Variants in TRPM6 observed in about 807,000 individuals in gnomAD.
TRPM6 encodes transient receptor potential cation channel subfamily M member 6.
TRPM6 carries 111 observed loss-of-function variants against 247.6 expected under a neutral mutation model. The ratio of observed to expected loss-of-function variants is 0.45; its 90% CI spans 0.38 to 0.52. The LOEUF (loss-of-function observed/expected upper bound fraction) is 0.52, where lower values mean the gene tolerates loss of function less well. Ranked by LOEUF, TRPM6 falls within the 20% of genes least tolerant of loss-of-function variation. TRPM6 has a pLI of 0.00. For missense variants in TRPM6, 2,126 were observed against 2,421.5 expected (o/e 0.88, Z 2.56); for synonymous variants, 892 against 853.8 (o/e 1.04, Z -0.78).
rs747221942 is a variant in TRPM6 at position 74,840,015 on chromosome 9, GA to G, written c.544+8del. On this transcript the variant is annotated splice_region_variant and intron_variant, in intron 5 of 38. Transcript: ENST00000360774. ...AGAGGGTGGGAGAAATGGAGGGAGG[GA>G]GCTTTACCTGTATTGATGCCTTCAG... The G allele has an allele frequency of 1.9e-6, 3 of 1,597,204 alleles. No homozygotes were observed. Among genetic ancestry groups the G allele is most frequent in the Non-Finnish European group, 2.6e-6 (3 of 1,164,900 alleles).
intron 3 of TRPM6, among the ~76,000 whole-genome samples, chr9:74,854,020 A>G (rs1830449373): frequency 6.6e-6 from 1 of 152,224 alleles, no homozygotes; most frequent in Non-Finnish European, 1.5e-5. Context: ...TGACAAGCAT[A>G]GAAGTAGATC....
intron 1 of TRPM6, among the ~76,000 whole-genome samples, chr9:74,885,084 T>C (rs994026226): frequency 2.6e-5 from 4 of 152,124 alleles, no homozygotes; most frequent in Non-Finnish European, 5.9e-5. Flanking sequence ...TTTAGACAAC[T>C]AACAAAGAAC....
intron 33 of TRPM6, among the ~76,000 whole-genome samples, chr9:74,741,971 A>G (rs551503463): frequency 6.6e-6 from 1 of 152,280 alleles, no homozygotes; most frequent in African/African-American, 2.4e-5. Context: ...ACAGTGTGAG[A>G]AGAATCAAGA....
intron 1 of TRPM6, among the ~76,000 whole-genome samples, chr9:74,862,752 C>G (rs182139822): frequency 1.3e-5 from 2 of 152,098 alleles, no homozygotes; most frequent in Non-Finnish European, 2.9e-5. Flanking sequence ...GAGGCCAAGG[C>G]GAGCAAGTCA....
chr9:74,852,685 G>C (rs1366498910), intron 3 of TRPM6, among the ~76,000 whole-genome samples: 1 of 152,210 alleles, frequency 6.6e-6, no homozygotes, highest in African/African-American at 2.4e-5. Flanking sequence ...TGGAGACGGG[G>C]TTTCGCAGTG....
intron 1 of TRPM6, among the ~76,000 whole-genome samples, chr9:74,865,096 G>T (rs1005209593): frequency 1.3e-5 from 2 of 151,022 alleles, no homozygotes; most frequent in East Asian, 1.9e-4. Flanking sequence ...AAAATGGAAC[G>T]TCAGAATGAA....
chr9:74,759,242 T>C (rs1262380085), intron 27 of TRPM6, among the ~76,000 whole-genome samples: 2 of 152,074 alleles, frequency 1.3e-5, no homozygotes, highest in African/African-American at 2.4e-5. Context: ...CACTTCTCTA[T>C]AAAAATTGAC....
At chr9:74,835,160 T>A (rs954359008) in intron 5 of TRPM6, among the ~76,000 whole-genome samples, 3 of 152,212 alleles carry the variant, frequency 2.0e-5, no homozygotes, top group African/African-American at 7.2e-5. Flanking sequence ...ATTGTGGTTT[T>A]GATCTGCATT....
intron 25 of TRPM6, among the ~76,000 whole-genome samples, chr9:74,767,403 A>G (rs995258223): frequency 6.6e-6 from 1 of 152,196 alleles, no homozygotes; most frequent in Non-Finnish European, 1.5e-5. Flanking sequence ...CAGCCTTGCT[A>G]TGTTCTCTTT....
chr9:74,858,192 T>G (rs113529305), intron 2 of TRPM6, among the ~76,000 whole-genome samples: 4,687 of 152,230 alleles, frequency 0.031, 263 homozygotes, highest in African/African-American at 0.11. Flanking sequence ...ATTGAGACCA[T>G]CCTGGCTAAC....
At chr9:74,846,800 C>T (rs1232661190) in intron 3 of TRPM6, among the ~76,000 whole-genome samples, 2 of 152,184 alleles carry the variant, frequency 1.3e-5, no homozygotes, top group Non-Finnish European at 2.9e-5. Flanking sequence ...CCACCCACTT[C>T]GGCCTTCCAA....
intron 3 of TRPM6, among the ~76,000 whole-genome samples, chr9:74,855,043 T>C (rs1258499778): frequency 6.6e-6 from 1 of 152,204 alleles, no homozygotes; most frequent in African/African-American, 2.4e-5. Flanking sequence ...CTTCAGGCTA[T>C]GATCAGAATT....
At chr9:74,806,326 G>A (rs1419106792) in intron 14 of TRPM6, among the ~76,000 whole-genome samples, 9 of 151,342 alleles carry the variant, frequency 5.9e-5, no homozygotes, top group African/African-American at 1.9e-4. Flanking sequence ...GGATCTCACC[G>A]TGTTGCCCAG....
intron 32 of TRPM6, among the ~76,000 whole-genome samples, chr9:74,743,610 C>T (rs1825933418): frequency 6.6e-6 from 1 of 152,154 alleles, no homozygotes; most frequent in South Asian, 2.1e-4. Context: ...AGTGATGTTG[C>T]TTAAGAGAGT....
At chr9:74,874,741 A>G (rs1035474366) in intron 1 of TRPM6, among the ~76,000 whole-genome samples, 2 of 151,156 alleles carry the variant, frequency 1.3e-5, no homozygotes, top group African/African-American at 2.4e-5. Context: ...TCAAATGCTC[A>G]TAACATTTTG....
rs182519771 is a variant in TRPM6 at position 74,841,303 on chromosome 9, G to A, written c.330+863C>T. Among the ~76,000 whole-genome samples, 382 of 152,264 alleles carry A rather than the reference G, an allele frequency of 2.5e-3. 1 individual carries two copies. Among genetic ancestry groups the A allele is most frequent in the Non-Finnish European group, 4.0e-3 (275 of 68,030 alleles). On this transcript the variant is annotated intron_variant, in intron 4 of 38. Transcript: ENST00000360774. ...ATGCAGATCACTCAAAGGATATTGAGATGAATTTGCCTCCCTCAAACTTAC... is the reference window on the plus strand; with the variant it reads ...ATGCAGATCACTCAAAGGATATTGAAATGAATTTGCCTCCCTCAAACTTAC...
At chr9:74,885,905 A>G (rs1439173387) in intron 1 of TRPM6, among the ~76,000 whole-genome samples, 1 of 152,222 alleles carries the variant, frequency 6.6e-6, no homozygotes, top group Non-Finnish European at 1.5e-5. Flanking sequence ...CTCTGTCTCA[A>G]AAAAATAAAA....
At chr9:74,847,933 C>A (rs1232330962) in intron 3 of TRPM6, among the ~76,000 whole-genome samples, 1 of 152,072 alleles carries the variant, frequency 6.6e-6, no homozygotes, top group African/African-American at 2.4e-5. Flanking sequence ...TGCCCAAAAC[C>A]GCAGATAGTA....
chr9:74,759,624 A>G (rs1473857529), intron 27 of TRPM6, among the ~76,000 whole-genome samples: 1 of 152,150 alleles, frequency 6.6e-6, no homozygotes, highest in Non-Finnish European at 1.5e-5. Context: ...ATATACAAAA[A>G]TTACCTCAAA....
Sources: gnomAD v4.1 joint callset for allele counts (sites outside exome capture counted in the v4.1 genomes callset) on GRCh38, gnomAD v4.1.1 for gene constraint, MANE v1.5 for transcripts, NCBI Gene and HGNC (gene_info 2026-07-23, HGNC 2026-07-21) for gene names.